The following HSP90AA1 variants were observed in gnomAD, a reference collection of about 807,000 sequenced individuals.
HSP90AA1 encodes the protein heat shock protein HSP 90-alpha.
HSP90AA1 carries 18 observed loss-of-function variants against 73.3 expected under a neutral mutation model. The observed-to-expected ratio is 0.25, with a 90% confidence interval of 0.17 to 0.36. HSP90AA1 has a LOEUF of 0.36. HSP90AA1 is among the 10% of genes least tolerant of loss of function. HSP90AA1 has a pLI of 1.00. For missense variants in HSP90AA1, 704 were observed against 874.2 expected, an observed-to-expected ratio of 0.81 and a Z score of 2.45; for synonymous variants, 477 against 296.9, an observed-to-expected ratio of 1.61 and a Z score of -6.24.
upstream of HSP90AA1, among the ~76,000 whole-genome samples, chr14:102,088,907 C>CTT (rs887578558): frequency 1.6e-4 from 9 of 55,168 alleles, no homozygotes; most frequent in East Asian, 1.6e-3. Flanking sequence ...TTTTTCTTTT[C>CTT]TTTTTTTTTT....
At chr14:102,136,358 G>C (rs1431717344) in intron 1 of HSP90AA1, among the ~76,000 whole-genome samples, 3 of 150,014 alleles carry the variant, frequency 2.0e-5, no homozygotes, top group Non-Finnish European at 4.4e-5. Context: ...CACGAGGTCA[G>C]GAGTTCGAGA....
chr14:102,104,726 C>A (rs1456756338), intron 1 of HSP90AA1, among the ~76,000 whole-genome samples: 1 of 152,058 alleles, frequency 6.6e-6, no homozygotes, highest in Non-Finnish European at 1.5e-5. Context: ...CATTAACCAA[C>A]TTCGACTCAT....
chr14:102,092,645 T>C (rs934797022), intron 2 of HSP90AA1, among the ~76,000 whole-genome samples: 61 of 152,212 alleles, frequency 4.0e-4, no homozygotes, highest in Non-Finnish European at 8.1e-4. Flanking sequence ...CACAGGGACC[T>C]GAGGAAACTT....
intron 1 of HSP90AA1, among the ~76,000 whole-genome samples, chr14:102,113,702 A>G (rs1169088638): frequency 6.8e-6 from 1 of 148,132 alleles, no homozygotes; most frequent in Admixed American, 6.7e-5. Flanking sequence ...TTATTTTTTT[A>G]TTTTTATTTA....
rs777650820 is a variant in HSP90AA1, at chr14:102,084,960, C to T, written c.702G>A (p.Glu234=). 1.2e-6 allele frequency: 2 copies of T among 1,608,722 alleles called. No homozygotes were observed. The highest frequency in any genetic ancestry group is 1.1e-5 in the South Asian group (1 of 90,958). Residue 234 remains glutamate (E), a synonymous_variant, in exon 5 of 11, where the codon GAG becomes GAA. Transcript: ENST00000216281. The part of the protein sequence containing the change: ...KERDKEVSDD[E]AEEKEDKEEE... ...CTTCTTTGTCTTCCTTTTCTTCAGC[C>T]TCATCATCGCTTACTTCTTTATCAC...
chr14:102,127,713 A>G (rs754392784), intron 1 of HSP90AA1, among the ~76,000 whole-genome samples: 8 of 152,082 alleles, frequency 5.3e-5, no homozygotes, highest in Non-Finnish European at 7.3e-5. Context: ...ATGCAGTGTT[A>G]TGAACACAGC....
chr14:102,125,515 G>C (rs998989218), intron 1 of HSP90AA1, among the ~76,000 whole-genome samples: 1 of 152,140 alleles, frequency 6.6e-6, no homozygotes, highest in African/African-American at 2.4e-5. Flanking sequence ...GGAAGTGAGT[G>C]AACAATGGGC....
chr14:102,121,236 C>T (rs2049775369), intron 1 of HSP90AA1, among the ~76,000 whole-genome samples: 1 of 152,048 alleles, frequency 6.6e-6, no homozygotes. Flanking sequence ...GATATGTTTT[C>T]ATGTCAGTAT....
intron 1 of HSP90AA1, among the ~76,000 whole-genome samples, chr14:102,119,689 A>T (rs1479371855): frequency 6.6e-6 from 1 of 152,030 alleles, no homozygotes; most frequent in Non-Finnish European, 1.5e-5. Context: ...GGGTTTCACC[A>T]TGTTGGCCAG....
intron 1 of HSP90AA1, among the ~76,000 whole-genome samples, chr14:102,121,325 T>C (rs895686452): frequency 6.6e-6 from 1 of 152,220 alleles, no homozygotes; most frequent in African/African-American, 2.4e-5. Context: ...TCTCTATTGA[T>C]GGGTACTTAG....
In HSP90AA1 at chr14:102,130,118, G is replaced by A. The variant is rs1268793853; in HGVS notation, c.155+9132C>T. On this transcript the variant is annotated intron_variant, in intron 1 of 11. Coordinates refer to the HSP90AA1 transcript ENST00000334701. ...CCTGAGTAGCTGGGATTACAGGCCC[G>A]CACCACCACACCTGGCTAATTTTTG... Among the ~76,000 whole-genome samples, 5 of 151,752 alleles carry A rather than the reference G, an allele frequency of 3.3e-5. No homozygotes were observed. The South Asian group carries it at 6.2e-4, about 19-fold the overall frequency.
exon 1 of HSP90AA1, chr14:102,139,256 A>T: frequency 6.2e-7 from 1 of 1,614,146 alleles, no homozygotes; most frequent in Non-Finnish European, 8.5e-7. Context: ...GTACCTTCTC[A>T]GAAACGGCGG....
At chr14:102,111,258 A>T (rs2049638223) in intron 1 of HSP90AA1, among the ~76,000 whole-genome samples, 1 of 152,234 alleles carries the variant, frequency 6.6e-6, no homozygotes, top group East Asian at 1.9e-4. Context: ...CTAGAAGGAA[A>T]AAATGGTTTT....
intron 3 of HSP90AA1, 113 bp downstream of exon 3, chr14:102,085,645 G>C (rs1470350649): frequency 6.6e-6 from 10 of 1,516,270 alleles, no homozygotes; most frequent in Non-Finnish European, 9.1e-6. Flanking sequence ...GCTTGTTCCT[G>C]ATCGTTGGGC....
chr14:102,085,291 A>C lies in HSP90AA1; in HGVS notation c.663+7T>G, dbSNP rs373850274. On this transcript the variant is annotated splice_region_variant and intron_variant, in intron 4 of 10. Coordinates refer to ENST00000216281, the MANE Select transcript of HSP90AA1 (RefSeq NM_005348.4). ...GAAATTCACTCTGCAATTACATAAAAACTTACAAAAAGAGTAATGGGATAT... is the reference window on the plus strand; with the variant it reads ...GAAATTCACTCTGCAATTACATAAACACTTACAAAAAGAGTAATGGGATAT... The C allele has an allele frequency of 1.4e-5, 23 of 1,610,496 alleles. No individual in the cohort carries two copies. Among genetic ancestry groups the C allele is most frequent in the Non-Finnish European group, 1.8e-5 (21 of 1,177,820 alleles).
chr14:102,084,639 G>A (rs1319999107), intron 5 of HSP90AA1, 42 bp downstream of exon 5: 1 of 1,614,000 alleles, frequency 6.2e-7, no homozygotes, highest in African/African-American at 1.3e-5. Flanking sequence ...GGAGAAAGAT[G>A]ATAATCTAAG....
At chr14:102,083,454 T>C (rs892843742) in intron 8 of HSP90AA1, 92 bp downstream of exon 8, 2 of 1,429,220 alleles carry the variant, frequency 1.4e-6, no homozygotes, top group African/African-American at 1.4e-5. Context: ...TCAATACCAG[T>C]TGTAACAGTG....
At chr14:102,084,075 A>T in intron 6 of HSP90AA1, 92 bp from the exon 7 acceptor site, 2 of 1,001,174 alleles carry the variant, frequency 2.0e-6, no homozygotes, top group Non-Finnish European at 3.1e-6. Flanking sequence ...CCTGAAGATG[A>T]TGGGACGTAT....
At chr14:102,098,740 G>A (rs570035392) in intron 2 of HSP90AA1, among the ~76,000 whole-genome samples, 5 of 151,896 alleles carry the variant, frequency 3.3e-5, no homozygotes, top group Admixed American at 3.3e-4. Context: ...CTGTCGCCCA[G>A]GCTGGAGTGC....
Sources: gnomAD v4.1 joint callset for allele counts (sites outside exome capture counted in the v4.1 genomes callset) on GRCh38, gnomAD v4.1.1 for gene constraint, MANE v1.5 for transcripts, NCBI Gene and HGNC (gene_info 2026-07-23, HGNC 2026-07-21) for gene names.